The following BRWD1 variants were observed in gnomAD, a reference collection of about 807,000 sequenced individuals.
BRWD1 encodes the protein bromodomain and WD repeat-containing protein 1.
A neutral mutation model predicts 251.2 loss-of-function variants in BRWD1; 82 were observed. The observed-to-expected ratio is 0.33, with a 90% CI of 0.27 to 0.39. The LOEUF (loss-of-function observed/expected upper bound fraction) is 0.39. Among genes scored for constraint, BRWD1 ranks in the 10% least tolerant of loss-of-function variants. The pLI is 1.00. For missense variants in BRWD1, 2,233 were observed against 2,711.6 expected (o/e 0.82, Z 3.92); for synonymous variants, 918 against 902.8 (o/e 1.02, Z -0.30).
rs1200846261 is a variant in BRWD1 at position 39,185,890 on chromosome 21, A to G, written c.*10369T>C. 1.3e-5 allele frequency: 2 copies of G among 152,212 alleles called. No individual in the cohort carries two copies. Among genetic ancestry groups the G allele is most frequent in the African/African-American group, 4.8e-5 (2 of 41,466 alleles). The allele number at this position is 152,212 out of a possible 1,614,324, so 9.4% of individuals were successfully genotyped here. ...TACTATGTTAAAAAGATGCGACAGT[A>G]TATTCATTTAATCTGGCAATTTTAA... On this transcript the variant is annotated 3_prime_UTR_variant, in exon 41 of 41. Coordinates refer to ENST00000342449, the MANE Select transcript of BRWD1 (RefSeq NM_033656.4).
chr21:39,319,365 G>A (rs768628147), intron 1 of BRWD1, among the ~76,000 whole-genome samples: 1 of 152,150 alleles, frequency 6.6e-6, no homozygotes, highest in Non-Finnish European at 1.5e-5. Context: ...TGCAGGCGCT[G>A]GCCCATGTCT....
At chr21:39,296,153 A>C in intron 6 of BRWD1, 112 bp downstream of exon 6, 2 of 864,412 alleles carry the variant, frequency 2.3e-6, no homozygotes, top group South Asian at 2.9e-5. Context: ...ATTACTATTA[A>C]AACAACATTT....
In BRWD1 at chr21:39,190,207, G is replaced by A. The variant is rs1601217505; in HGVS notation, c.*6052C>T. 2.0e-6 allele frequency: 2 copies of A among 980,526 alleles called. No homozygotes were observed. Among genetic ancestry groups the A allele is most frequent in the East Asian group, 2.3e-4 (2 of 8,764 alleles). 60.7% of individuals were successfully genotyped at this position (980,526 alleles called of 1,614,324 possible). A position where few individuals can be genotyped will look rare whatever the true frequency, so the allele number is the denominator to read the frequency against. On this transcript the variant is annotated 3_prime_UTR_variant, in exon 41 of 41. Coordinates refer to ENST00000342449, the MANE Select transcript of BRWD1 (RefSeq NM_033656.4). ...ACAATCTCTAGTTTCTACATTTCAA[G>A]GATTAATCATATTCTAATTAGACTT...
chr21:39,270,962 T>C (rs2035077621), intron 13 of BRWD1, among the ~76,000 whole-genome samples: 1 of 152,234 alleles, frequency 6.6e-6, no homozygotes, highest in Admixed American at 6.5e-5. Flanking sequence ...AGAACGGTCT[T>C]GGATACACAT....
At position 39,248,610 on chromosome 21, in the gene BRWD1, C is replaced by A. The variant is rs974165504; in HGVS notation, c.2350-778G>T. On this transcript the variant is annotated intron_variant, in intron 20 of 40. Transcript: ENST00000342449. ...TGAGCCATGATTGCACCACAACACT[C>A]CAGCCTGGGCAAGAGTGAGACCCTA... Among the ~76,000 whole-genome samples, 27 of 126,128 alleles carry A rather than the reference C, an allele frequency of 2.1e-4. No individual in the cohort carries two copies. In the Admixed American group the frequency reaches 2.3e-3, roughly 11 times the overall value. 82.7% of individuals were successfully genotyped at this position (126,128 alleles called of 152,430 possible). A position where few individuals can be genotyped will look rare whatever the true frequency, so the allele number is the denominator to read the frequency against.
intron 4 of BRWD1, among the ~76,000 whole-genome samples, chr21:39,304,957 ATTT>A (rs36090972): frequency 2.5e-5 from 3 of 121,196 alleles, no homozygotes; most frequent in Non-Finnish European, 1.6e-5. Flanking sequence ...ATATTTGGAG[ATTT>A]TTTTTTTTTT....
At chr21:39,310,013 G>A (rs1343052380) in intron 4 of BRWD1, among the ~76,000 whole-genome samples, 1 of 152,204 alleles carries the variant, frequency 6.6e-6, no homozygotes, top group East Asian at 1.9e-4. Context: ...CCAGTGAAAT[G>A]AATGGCTTTC....
At chr21:39,207,690 T>G (rs987234185) in intron 36 of BRWD1, among the ~76,000 whole-genome samples, 22 of 152,210 alleles carry the variant, frequency 1.4e-4, no homozygotes, top group African/African-American at 5.1e-4. Context: ...TTCTGAGAGA[T>G]ACGTGTATTC....
At chr21:39,281,910 G>T (rs1158759780) in intron 8 of BRWD1, among the ~76,000 whole-genome samples, 1 of 74,978 alleles carries the variant, frequency 1.3e-5, no homozygotes, top group Non-Finnish European at 3.5e-5. Context: ...ATGTATACAT[G>T]TATATATATA....
At chr21:39,312,027 A>G (rs1035303038) in intron 4 of BRWD1, among the ~76,000 whole-genome samples, 6 of 152,186 alleles carry the variant, frequency 3.9e-5, no homozygotes, top group African/African-American at 1.4e-4. Context: ...GAATTCCTTT[A>G]TCCTAATAAC....
At chr21:39,213,141 G>A (rs2032737618) in intron 33 of BRWD1, among the ~76,000 whole-genome samples, 1 of 152,120 alleles carries the variant, frequency 6.6e-6, no homozygotes, top group African/African-American at 2.4e-5. Flanking sequence ...CCTGGCTCAA[G>A]CAATCTTCCC....
upstream of BRWD1, chr21:39,313,977 G>C (rs765485076): frequency 4.9e-6 from 2 of 405,370 alleles, no homozygotes; most frequent in South Asian, 3.4e-5. Flanking sequence ...AAGAGGGGGC[G>C]ATTCACCGCC....
intron 26 of BRWD1, 28 bp downstream of exon 26, chr21:39,229,284 T>C: frequency 6.5e-7 from 1 of 1,541,900 alleles, no homozygotes; most frequent in Non-Finnish European, 8.9e-7. Context: ...TAAATTTAAG[T>C]AATTCCATTT....
chr21:39,184,573 G>A (rs767724662), downstream of BRWD1: 3 of 152,200 alleles, frequency 2.0e-5, no homozygotes, highest in Admixed American at 1.3e-4. Context: ...CTACTTTGGG[G>A]TCAGAGAGAG....
At chr21:39,261,464 T>C (rs931835623) in intron 17 of BRWD1, among the ~76,000 whole-genome samples, 3 of 152,162 alleles carry the variant, frequency 2.0e-5, no homozygotes, top group Non-Finnish European at 4.4e-5. Flanking sequence ...AAGAATATAA[T>C]AACTCCTACT....
At chr21:39,224,602 AT>A in intron 28 of BRWD1, 133 bp from the exon 29 acceptor site, 1 of 587,700 alleles carries the variant, frequency 1.7e-6, no homozygotes, top group African/African-American at 1.9e-5. Context: ...TTAACAGTAA[AT>A]TTTTTTAAGA....
chr21:39,223,816 T>G (rs188509844), intron 29 of BRWD1, among the ~76,000 whole-genome samples: 1 of 152,214 alleles, frequency 6.6e-6, no homozygotes, highest in East Asian at 1.9e-4. Context: ...AAGAATGAGG[T>G]AGGAAAAGTA....
At chr21:39,241,876 T>C (rs1395927257) in intron 21 of BRWD1, among the ~76,000 whole-genome samples, 1 of 152,222 alleles carries the variant, frequency 6.6e-6, no homozygotes, top group Non-Finnish European at 1.5e-5. Flanking sequence ...TACTGTGATT[T>C]GTGATTAATG....
chr21:39,206,378 T>TACC (rs2032391246), intron 36 of BRWD1, 104 bp from the exon 37 acceptor site: 12 of 840,428 alleles, frequency 1.4e-5, no homozygotes, highest in Non-Finnish European at 2.1e-5. Flanking sequence ...TATCACTGCT[T>TACC]ATAGGTAATG....
Sources: allele counts gnomAD v4.1 joint callset (sites outside exome capture counted in the v4.1 genomes callset), GRCh38; gene constraint gnomAD v4.1.1; transcripts MANE v1.5; gene names NCBI Gene and HGNC (gene_info 2026-07-23, HGNC 2026-07-21).